The following DCHS2 variants were observed in gnomAD, a reference collection of about 807,000 sequenced individuals.
The protein encoded by DCHS2 is dachsous cadherin-related 2.
DCHS2 carries 142 observed loss-of-function variants against 182.4 expected under a neutral mutation model. The ratio of observed to expected loss-of-function variants is 0.78; its 90% CI spans 0.68 to 0.89. The LOEUF (loss-of-function observed/expected upper bound fraction) is 0.89. Ranked by LOEUF, DCHS2 falls within the 40% of genes least tolerant of loss-of-function variation. The probability of loss-of-function intolerance (pLI) is 0.00; values close to 1 mark genes in which losing one functional copy is unlikely to be tolerated. For missense variants in DCHS2, 4,319 were observed against 4,198.6 expected (o/e 1.03, Z -0.79); for synonymous variants, 1,740 against 1,663.3 (o/e 1.05, Z -1.12).
chr4:154,426,058 T>G (rs1359845685), intron 1 of DCHS2, among the ~76,000 whole-genome samples: 1 of 152,148 alleles, frequency 6.6e-6, no homozygotes, highest in Non-Finnish European at 1.5e-5. Context: ...TTGGCCTCTG[T>G]TTTTTTCTCA....
At chr4:154,369,212 T>C (rs1283860761) in intron 2 of DCHS2, among the ~76,000 whole-genome samples, 1 of 152,052 alleles carries the variant, frequency 6.6e-6, no homozygotes, top group Non-Finnish European at 1.5e-5. Context: ...GATGCATCTT[T>C]ACAAAAAAGG....
intron 3 of DCHS2, among the ~76,000 whole-genome samples, chr4:154,364,090 C>T (rs976971683): frequency 1.3e-5 from 2 of 152,112 alleles, no homozygotes; most frequent in African/African-American, 2.4e-5. Flanking sequence ...AATAAGAACC[C>T]AAGGCTATTT....
chr4:154,254,532 A>G (rs1560987148), intron 16 of DCHS2, among the ~76,000 whole-genome samples: 2 of 152,314 alleles, frequency 1.3e-5, no homozygotes, highest in East Asian at 3.9e-4. Flanking sequence ...TGGATATTTT[A>G]GAATTCTTAA....
chr4:154,294,296 G>C (rs1359514670), intron 13 of DCHS2, among the ~76,000 whole-genome samples: 5 of 152,146 alleles, frequency 3.3e-5, no homozygotes, highest in African/African-American at 9.7e-5. Context: ...ACATATAATA[G>C]GAAGTATGTT....
chr4:154,270,133 C>A lies in DCHS2; in HGVS notation c.6464-120G>T. On this transcript the variant is annotated intron_variant, in intron 13 of 19. Transcript: ENST00000357232. ...TGTTTTCACTTGTTCATTGATTCAA[C>A]AATAACTTATTGTCTTCAATGAGCC... 2 of 1,239,538 alleles carry A rather than the reference C, an allele frequency of 1.6e-6. 1 individual carries two copies. The highest frequency in any genetic ancestry group is 2.2e-6 in the Non-Finnish European group (2 of 917,676). The allele number at this position is 1,239,538 out of a possible 1,614,324, so 76.8% of individuals were successfully genotyped here. A position where few individuals can be genotyped will look rare whatever the true frequency, so the allele number is the denominator to read the frequency against.
At chr4:154,448,348 T>C (rs1183144066) in intron 1 of DCHS2, among the ~76,000 whole-genome samples, 1 of 152,184 alleles carries the variant, frequency 6.6e-6, no homozygotes, top group Non-Finnish European at 1.5e-5. Flanking sequence ...GCCTCAAGTG[T>C]CCTCAATATG....
chr4:154,314,808 G>A (rs975744895), intron 10 of DCHS2, among the ~76,000 whole-genome samples: 2 of 151,624 alleles, frequency 1.3e-5, no homozygotes, highest in African/African-American at 4.9e-5. Context: ...GAACTAACAC[G>A]AATAGTTTAT....
chr4:154,453,336 G>C (rs1734618197), intron 1 of DCHS2, among the ~76,000 whole-genome samples: 1 of 150,500 alleles, frequency 6.6e-6, no homozygotes, highest in African/African-American at 2.4e-5. Context: ...TAAGGGGGTG[G>C]GGGTGGTGGG....
At chr4:154,383,318 T>C (rs1731254934) in intron 1 of DCHS2, among the ~76,000 whole-genome samples, 1 of 151,958 alleles carries the variant, frequency 6.6e-6, no homozygotes, top group Non-Finnish European at 1.5e-5. Context: ...AGGAAACTAC[T>C]AGAAGGGGGA....
At position 154,235,834 on chromosome 4, in the gene DCHS2, C is replaced by T; in HGVS notation, c.8818G>A (p.Ala2940Thr). ...KTNGNIYLIRALPLIKSQLNK... is the reference protein window; with the variant it reads ...KTNGNIYLIRTLPLIKSQLNK... ...AGTTGACTTTTTATTAGGGGAAGGGCTCTAATCAAATAAATATTTCCATTG... is the reference window on the plus strand; with the variant it reads ...AGTTGACTTTTTATTAGGGGAAGGGTTCTAATCAAATAAATATTTCCATTG... The change falls in exon 20 of 20, where the codon GCC becomes ACC. Residue 2940 changes from alanine to threonine, a missense_variant. Physicochemically the swap from Ala to Thr is moderately conservative, Grantham distance 58. Coordinates refer to ENST00000357232, the MANE Select transcript of DCHS2 (RefSeq NM_001358235.2). 6.2e-7 allele frequency: 1 copy of T among 1,613,978 alleles called. No individual in the cohort carries two copies. Among genetic ancestry groups the T allele is most frequent in the Non-Finnish European group, 8.5e-7 (1 of 1,179,958 alleles).
chr4:154,464,039 A>C (rs1735133620), intron 1 of DCHS2, among the ~76,000 whole-genome samples: 1 of 152,194 alleles, frequency 6.6e-6, no homozygotes, highest in African/African-American at 2.4e-5. Flanking sequence ...CGAGTTGGAA[A>C]ATGATTGAAC....
intron 1 of DCHS2, among the ~76,000 whole-genome samples, chr4:154,480,197 G>C (rs1398796926): frequency 6.6e-6 from 1 of 152,068 alleles, no homozygotes; most frequent in Non-Finnish European, 1.5e-5. Flanking sequence ...TACAACATGA[G>C]GAGTTTCTAA....
rs575659539 is a variant in DCHS2 at position 154,260,090 on chromosome 4, C to T, written c.6578-334G>A. On this transcript the variant is annotated intron_variant, in intron 14 of 19. Coordinates refer to ENST00000357232, the MANE Select transcript of DCHS2 (RefSeq NM_001358235.2). ...ACCTGCCTTGGCCTCTGAAAGTGCT[C>T]GGATTATAGGCGTGAGCCACAGCAC... Among the ~76,000 whole-genome samples, 4 of 152,172 alleles carry T rather than the reference C, an allele frequency of 2.6e-5. No individual in the cohort carries two copies. The South Asian group carries it at 6.2e-4, about 24-fold the overall frequency.
intron 1 of DCHS2, among the ~76,000 whole-genome samples, chr4:154,444,891 C>T (rs980327821): frequency 6.6e-6 from 1 of 152,186 alleles, no homozygotes; most frequent in African/African-American, 2.4e-5. Context: ...TGGAGTTCTG[C>T]AAACCCAGCC....
Position 154,333,188 on chromosome 4 carries a change from T to A in DCHS2, c.3020A>T (p.Asp1007Val). ...ALYLARAEDR[D>V]SGRNGLIRYS... ...CCGGATGAGTCCGTTCCGCCCACTG[T>A]CTCTGTCTTCCGCACGTGCGAGGTA... Residue 1007 changes from aspartate (D) to valine (V), a missense_variant, in exon 5 of 20, where the codon GAC becomes GTC. Coordinates refer to ENST00000357232, the MANE Select transcript of DCHS2 (RefSeq NM_001358235.2). 4.3e-6 allele frequency: 7 copies of A among 1,614,158 alleles called. No individual in the cohort carries two copies. The highest frequency in any genetic ancestry group is 5.9e-6 in the Non-Finnish European group (7 of 1,180,018).
At position 154,366,339 on chromosome 4, in the gene DCHS2, C is replaced by T; in HGVS notation, c.2347G>A (p.Glu783Lys). 6.2e-7 allele frequency: 1 copy of T among 1,613,786 alleles called. No homozygotes were observed. Among genetic ancestry groups the T allele is most frequent in the South Asian group, 1.1e-5 (1 of 91,050 alleles). Residue 783 changes from glutamate (E) to lysine (K), a missense_variant, in exon 3 of 20, where the codon GAG (glutamate) becomes AAG (lysine). Coordinates refer to ENST00000357232, the MANE Select transcript of DCHS2 (RefSeq NM_001358235.2). ...ATGATCTCGGTGCCTGGCTGGGTCT[C>T]ATCACTGATGCTCGTCACATAGGTT... ...PSTYVTSISD[E>K]TQPGTEIINV...
At chr4:154,448,239 T>A (rs1734386937) in intron 1 of DCHS2, among the ~76,000 whole-genome samples, 1 of 152,168 alleles carries the variant, frequency 6.6e-6, no homozygotes, top group Admixed American at 6.6e-5. Context: ...CCTCTCTCCC[T>A]AGGTAATCTG....
chr4:154,406,653 T>C (rs937649028), intron 1 of DCHS2, among the ~76,000 whole-genome samples: 7 of 152,236 alleles, frequency 4.6e-5, no homozygotes, highest in Admixed American at 3.9e-4. Context: ...GGAAAGTTTT[T>C]TGGAATCCTG....
intron 5 of DCHS2, 125 bp downstream of exon 5, chr4:154,332,353 C>G (rs1736572006): frequency 1.2e-6 from 1 of 814,976 alleles, no homozygotes; most frequent in African/African-American, 1.7e-5. Context: ...AATGCTATAC[C>G]TAACGACTTG....
Sources: allele counts gnomAD v4.1 joint callset (sites outside exome capture counted in the v4.1 genomes callset), GRCh38; gene constraint gnomAD v4.1.1; transcripts MANE v1.5; gene names NCBI Gene and HGNC (gene_info 2026-07-23, HGNC 2026-07-21).